RAP1GAP: variants seen among roughly 807,000 people sequenced by gnomAD.
RAP1GAP encodes RAP1 GTPase activating protein.
RAP1GAP carries 35 observed loss-of-function variants against 87.2 expected under a neutral mutation model. The observed-to-expected ratio is 0.40, with a 90% CI of 0.31 to 0.53. RAP1GAP has a LOEUF of 0.53. Ranked by LOEUF, RAP1GAP falls within the 20% of genes least tolerant of loss-of-function variation. RAP1GAP has a pLI of 0.48. For synonymous variants in RAP1GAP, 375 were observed against 363.9 expected (o/e 1.03, Z -0.35); for missense variants, 734 against 898.9 (o/e 0.82, Z 2.35).
chr1:21,623,492 T>TG (rs1267182383), intron 3 of RAP1GAP, among the ~76,000 whole-genome samples: 1 of 152,222 alleles, frequency 6.6e-6, no homozygotes, highest in Admixed American at 6.5e-5. Flanking sequence ...CTTTGGATGT[T>TG]GCGGGGGCAG....
intron 3 of RAP1GAP, among the ~76,000 whole-genome samples, chr1:21,623,324 ACTCTGTAGGCC>A (rs1193868860): frequency 1.3e-5 from 2 of 151,792 alleles, no homozygotes; most frequent in Admixed American, 6.5e-5. Context: ...AAATATAAGG[ACTCTGTAGGCC>A]CTTCCAGCTG....
intron 10 of RAP1GAP, among the ~76,000 whole-genome samples, chr1:21,612,357 G>T (rs1300897203): frequency 6.6e-6 from 1 of 152,146 alleles, no homozygotes; most frequent in African/African-American, 2.4e-5. Flanking sequence ...AGGTCTGTTG[G>T]ATTCCAAAGC....
chr1:21,620,090 G>T, intron 3 of RAP1GAP, 40 bp from the exon 4 acceptor site: 1 of 1,610,976 alleles, frequency 6.2e-7, no homozygotes, highest in Non-Finnish European at 8.5e-7. Flanking sequence ...AGCTGATCCC[G>T]CCAAGCCCCA....
intron 2 of RAP1GAP, among the ~76,000 whole-genome samples, chr1:21,639,358 C>T (rs1294770240): frequency 6.6e-6 from 1 of 152,220 alleles, no homozygotes; most frequent in African/African-American, 2.4e-5. Context: ...TCACTTGTCA[C>T]CTTCTCAGTG....
At chr1:21,667,202 G>A (rs568339235) in intron 1 of RAP1GAP, among the ~76,000 whole-genome samples, 1 of 152,364 alleles carries the variant, frequency 6.6e-6, no homozygotes, top group South Asian at 2.1e-4. Flanking sequence ...TCCTCAAAGG[G>A]CCTCTTGGCC....
In RAP1GAP at chr1:21,648,442, C is replaced by A. The variant is rs116012786; in HGVS notation, c.-113+1319G>T. ...AGTCTGGAAGATCAAGGTTCAAATC[C>A]CAACTGCTTGTGTGACCTTGGGCAA... is the stretch of plus-strand genomic sequence containing the variant. On this transcript the variant is annotated intron_variant, in intron 2 of 24. Transcript: ENST00000374765. Among the ~76,000 whole-genome samples the A allele has an allele frequency of 9.7e-3, 1,484 of 152,292 alleles. 17 individuals are homozygous for A. The highest frequency in any genetic ancestry group is 0.016 in the Non-Finnish European group (1,061 of 68,014).
chr1:21,609,680 G>T lies in RAP1GAP; in HGVS notation c.1000-34C>A. ...GAGGGCAGCTGTCTGTTCCTGTGGAGCCTGGGGTCTGCTCTGCCCCACCCA... is the reference window on the plus strand; with the variant it reads ...GAGGGCAGCTGTCTGTTCCTGTGGATCCTGGGGTCTGCTCTGCCCCACCCA... On this transcript the variant is annotated intron_variant, in intron 14 of 24. Coordinates refer to ENST00000374765, the MANE Select transcript of RAP1GAP (RefSeq NM_002885.4). This position sits in a 1 kb window ranked among gnomAD's most constrained non-coding sequence, Gnocchi z 4.4. 1 of 1,503,518 alleles carries T rather than the reference G, an allele frequency of 6.7e-7. No individual in the cohort carries two copies. Among genetic ancestry groups the T allele is most frequent in the African/African-American group, 1.4e-5 (1 of 71,360 alleles). The allele number at this position is 1,503,518 out of a possible 1,614,324, so 93.1% of individuals were successfully genotyped here.
At chr1:21,597,562 G>A in intron 24 of RAP1GAP, 124 bp downstream of exon 24, 1 of 1,026,986 alleles carries the variant, frequency 9.7e-7, no homozygotes. Context: ...GGACCAGGGG[G>A]CTCAAACCCA....
Position 21,606,092 on chromosome 1 carries a change from G to A in RAP1GAP, c.1402C>T (p.Pro468Ser), listed in dbSNP as rs1403107076. 5 of 1,587,490 alleles carry A rather than the reference G, an allele frequency of 3.1e-6. No homozygotes were observed. The part of the protein sequence containing the change: ...SHSGSFAPNN[P>S]DLAKAAGISL... ...ATTCCAGCCGCCTTGGCCAGGTCGG[G>A]GTTGTTGGGCGCGAAGCTCCCGCTG... is the stretch of plus-strand genomic sequence containing the variant. The change falls in exon 18 of 25, where the codon CCC (proline) becomes TCC (serine). Residue 468 changes from proline to serine, a missense_variant. Physicochemically the swap from Pro to Ser is moderately conservative, Grantham distance 74 (BLOSUM62 -1). This residue lies in a region of RAP1GAP where 485 missense variants were observed against 646.2 expected (regional missense o/e 0.75). Transcript: ENST00000374765.
In RAP1GAP at chr1:21,611,833, A is replaced by G. The variant is rs751717910; in HGVS notation, c.613-17T>C. 2 of 1,591,350 alleles carry G rather than the reference A, an allele frequency of 1.3e-6. No individual in the cohort carries two copies. The highest frequency in any genetic ancestry group is 1.1e-5 in the South Asian group (1 of 90,602). ...CTCGGAGGTCTGGGGATGAGGGGCCAAGGTCATTGAGCTGGAGTTCCTGAG... is the reference window on the plus strand; with the variant it reads ...CTCGGAGGTCTGGGGATGAGGGGCCGAGGTCATTGAGCTGGAGTTCCTGAG... On this transcript the variant is annotated splice_polypyrimidine_tract_variant and intron_variant, in intron 11 of 24. Transcript: ENST00000374765.
In RAP1GAP at chr1:21,613,668, G is replaced by C. The variant is rs139802804; in HGVS notation, c.434C>G (p.Ser145Cys). 11 of 1,613,628 alleles carry C rather than the reference G, an allele frequency of 6.8e-6. No individual in the cohort carries two copies. The African/African-American group carries it at 1.5e-4, about 22-fold the overall frequency. ...AACATTAGGGAACTCGGTGAGGCAGGAGATGGGGATGACATCATGGTATGT... is the reference window on the plus strand; with the variant it reads ...AACATTAGGGAACTCGGTGAGGCAGCAGATGGGGATGACATCATGGTATGT... ...CRTYHDVIPI[S>C]CLTEFPNVVQ... Residue 145 changes from serine (S) to cysteine (C), a missense_variant, in exon 9 of 25, where the codon TCC becomes TGC. By Grantham distance (112) the Ser-to-Cys change is moderately radical (BLOSUM62 -1). Around this residue, in one of 2 missense-constraint regions of RAP1GAP, gnomAD observed 485 missense variants for 646.2 expected, o/e 0.75. Transcript: ENST00000374765. This position sits in a 1 kb window ranked among gnomAD's most constrained non-coding sequence, Gnocchi z 4.7.
Position 21,620,064 on chromosome 1 carries a change from A to G in RAP1GAP, c.-18-14T>C. 6.2e-7 allele frequency: 1 copy of G among 1,613,688 alleles called. No individual in the cohort carries two copies. Among genetic ancestry groups the G allele is most frequent in the Non-Finnish European group, 8.5e-7 (1 of 1,179,852 alleles). ...TAGATCTGTGTTCTGCAACAGAGAC[A>G]GGGGAGAGCGAGGTCAGCTGATCCC... On this transcript the variant is annotated splice_polypyrimidine_tract_variant and intron_variant, in intron 3 of 24. Coordinates refer to ENST00000374765, the MANE Select transcript of RAP1GAP (RefSeq NM_002885.4).
In RAP1GAP at chr1:21,599,538, C is replaced by T. The variant is rs138045307; in HGVS notation, c.1732G>A (p.Val578Met). The T allele has an allele frequency of 4.0e-5, 64 of 1,609,816 alleles. No individual in the cohort carries two copies. Among genetic ancestry groups the T allele is most frequent in the East Asian group, 2.2e-4 (10 of 44,880 alleles). Residue 578 changes from valine (V) to methionine (M), a missense_variant, in exon 21 of 25, where the codon GTG becomes ATG. Coordinates refer to ENST00000374765, the MANE Select transcript of RAP1GAP (RefSeq NM_002885.4). The stretch of plus-strand genomic sequence containing the variant: ...TCCACACCCTCCGTCTCCTCCACCA[C>T]GCTGGCGAAGCTGCTGGCACTGGAC... Reference protein sequence around the residue: ...SSSSASSFASVVEETEGVDGE... With the variant: ...SSSSASSFASMVEETEGVDGE...
At chr1:21,617,026 T>C (rs1275757987) in intron 7 of RAP1GAP, among the ~76,000 whole-genome samples, 1 of 152,254 alleles carries the variant, frequency 6.6e-6, no homozygotes, top group Non-Finnish European at 1.5e-5. Context: ...ATGTCCTGTG[T>C]AGTGGGTGGC....
chr1:21,644,924 A>AAAAG (rs71671787), intron 2 of RAP1GAP, among the ~76,000 whole-genome samples: 7 of 147,442 alleles, frequency 4.7e-5, no homozygotes, highest in South Asian at 4.3e-4. Context: ...AAAAAAAGAG[A>AAAAG]AAAGAAAGAA....
chr1:21,630,049 G>A (rs540387851), intron 2 of RAP1GAP, among the ~76,000 whole-genome samples: 1 of 152,258 alleles, frequency 6.6e-6, no homozygotes, highest in African/African-American at 2.4e-5. Context: ...CTATGTGCAG[G>A]CTCTGCTCTA....
intron 19 of RAP1GAP, 142 bp from the exon 20 acceptor site, chr1:21,601,939 T>G: frequency 1.8e-6 from 1 of 558,784 alleles, no homozygotes; most frequent in Non-Finnish European, 3.1e-6. Context: ...CCTGGAGCAG[T>G]CTTGTGGGCT....
At position 21,602,876 on chromosome 1, in the gene RAP1GAP, T is replaced by C. The variant is rs768337154; in HGVS notation, c.1466A>G (p.Lys489Arg). The change falls in exon 19 of 25, where the codon AAG becomes AGG. Residue 489 changes from lysine to arginine, a missense_variant. Lys to Arg is a conservative substitution (Grantham distance 26). Coordinates refer to ENST00000374765, the MANE Select transcript of RAP1GAP (RefSeq NM_002885.4). ...IVPGKSPTRK[K>R]SGPFGSRRSS... ...GCGGCGGGAGCCGAACGGGCCCGAC[T>C]TCTTCCTCGTGGGGCTCTTCCCAGG... is the stretch of plus-strand genomic sequence containing the variant. 1.9e-6 allele frequency: 3 copies of C among 1,610,096 alleles called. No homozygotes were observed. The Middle Eastern group carries it at 5.0e-4, about 266-fold the overall frequency.
intron 1 of RAP1GAP, chr1:21,651,806 C>A: frequency 7.6e-7 from 1 of 1,316,322 alleles, no homozygotes; most frequent in Non-Finnish European, 9.7e-7. Flanking sequence ...GGTGAAGCTG[C>A]GCTTCCGGCC....
Sources: allele counts gnomAD v4.1 joint callset (sites outside exome capture counted in the v4.1 genomes callset), GRCh38; gene constraint gnomAD v4.1.1; regional missense constraint gnomAD v4.1.1; non-coding constraint Gnocchi (gnomAD v3.1); transcripts MANE v1.5; gene names NCBI Gene and HGNC (gene_info 2026-07-23, HGNC 2026-07-21).